PTK2: variants seen among roughly 807,000 people sequenced by gnomAD.
The protein encoded by PTK2 is focal adhesion kinase 1.
PTK2 carries 45 observed loss-of-function variants against 150.1 expected under a neutral mutation model. The ratio of observed to expected loss-of-function variants is 0.30; its 90% CI spans 0.24 to 0.38. The LOEUF (loss-of-function observed/expected upper bound fraction) is 0.38. Ranked by LOEUF, PTK2 falls within the 10% of genes least tolerant of loss-of-function variation. The pLI is 1.00. For synonymous variants in PTK2, 432 were observed against 449.2 expected (o/e 0.96, Z 0.48); for missense variants, 919 against 1,307.3 (o/e 0.70, Z 4.58).
chr8:140,809,736 G>A (rs914887406), intron 10 of PTK2, among the ~76,000 whole-genome samples: 2 of 152,186 alleles, frequency 1.3e-5, no homozygotes, highest in Non-Finnish European at 2.9e-5. Context: ...AGCCCAGATG[G>A]CAGAGGTTGC....
At chr8:140,824,925 T>C (rs912025535) in intron 8 of PTK2, among the ~76,000 whole-genome samples, 1 of 152,180 alleles carries the variant, frequency 6.6e-6, no homozygotes, top group African/African-American at 2.4e-5. Context: ...CAAAATGAAG[T>C]GGTATTGCTA....
At chr8:140,729,512 TG>T (rs1565216757) in intron 22 of PTK2, among the ~76,000 whole-genome samples, 1 of 152,184 alleles carries the variant, frequency 6.6e-6, no homozygotes, top group East Asian at 1.9e-4. Context: ...GAAAATACTT[TG>T]AAAGTACAAA....
chr8:140,854,723 A>G (rs1261392139), intron 5 of PTK2, among the ~76,000 whole-genome samples: 1 of 152,204 alleles, frequency 6.6e-6, no homozygotes, highest in Non-Finnish European at 1.5e-5. Context: ...CATTTAGGCC[A>G]TCTTTTAATG....
intron 26 of PTK2, among the ~76,000 whole-genome samples, chr8:140,687,675 C>T (rs1015683391): frequency 6.6e-6 from 1 of 152,160 alleles, no homozygotes; most frequent in African/African-American, 2.4e-5. Context: ...AGTGCTGTAG[C>T]CCAAACCCTT....
intron 7 of PTK2, among the ~76,000 whole-genome samples, chr8:140,842,136 A>C (rs534907546): frequency 6.6e-6 from 1 of 152,112 alleles, no homozygotes; most frequent in African/African-American, 2.4e-5. Context: ...TAAAACAGAG[A>C]GCTATAAGGA....
chr8:140,711,260 C>T (rs1043402128), intron 23 of PTK2, among the ~76,000 whole-genome samples: 1 of 152,194 alleles, frequency 6.6e-6, no homozygotes, highest in Non-Finnish European at 1.5e-5. Context: ...GTGCATACCA[C>T]CACACCTGGC....
chr8:140,852,662 A>G (rs1250623787), intron 5 of PTK2, among the ~76,000 whole-genome samples: 1 of 152,222 alleles, frequency 6.6e-6, no homozygotes, highest in Non-Finnish European at 1.5e-5. Flanking sequence ...TTGTATTTTA[A>G]AATGTGTATA....
intron 18 of PTK2, 105 bp from the exon 22 acceptor site, chr8:140,744,872 T>C: frequency 1.8e-6 from 1 of 548,232 alleles, no homozygotes; most frequent in Non-Finnish European, 3.2e-6. Context: ...CTGTTTTCAA[T>C]GCATTTTTAA....
At chr8:140,899,230 T>C (rs566902745) in intron 2 of PTK2, among the ~76,000 whole-genome samples, 1 of 152,312 alleles carries the variant, frequency 6.6e-6, no homozygotes, top group East Asian at 1.9e-4. Flanking sequence ...CTTCTGACTC[T>C]GGCTAAGGGA....
At chr8:140,834,677 A>C (rs1030325200) in intron 7 of PTK2, among the ~76,000 whole-genome samples, 1 of 152,230 alleles carries the variant, frequency 6.6e-6, no homozygotes, top group Admixed American at 6.5e-5. Context: ...ATAATTACAT[A>C]AACAACTAAC....
intron 2 of PTK2, among the ~76,000 whole-genome samples, chr8:140,901,874 T>C (rs538597053): frequency 6.6e-6 from 1 of 152,226 alleles, no homozygotes; most frequent in African/African-American, 2.4e-5. Flanking sequence ...GTTGTCATTG[T>C]TCAACTCCCA....
chr8:140,888,007 G>A (rs1160092631), intron 3 of PTK2, among the ~76,000 whole-genome samples: 1 of 152,128 alleles, frequency 6.6e-6, no homozygotes, highest in Admixed American at 6.5e-5. Flanking sequence ...TCAGAAAATA[G>A]TTGTGTGGCA....
chr8:140,982,327 G>A (rs967916950), intron 1 of PTK2, among the ~76,000 whole-genome samples: 1 of 152,224 alleles, frequency 6.6e-6, no homozygotes, highest in South Asian at 2.1e-4. Flanking sequence ...GGCTGGGTGC[G>A]GAGGCTCCCG....
chr8:140,675,337 C>T (rs751224570), intron 28 of PTK2, 123 bp downstream of exon 31: 1 of 1,014,880 alleles, frequency 9.9e-7, no homozygotes, highest in Non-Finnish European at 1.5e-6. Flanking sequence ...ATCGTACTTG[C>T]TGTGGTCTGT....
chr8:140,686,103 G>T lies in PTK2; in HGVS notation c.2562+529C>A, dbSNP rs76370410. On this transcript the variant is annotated intron_variant, in intron 27 of 31. Transcript: ENST00000522684. ...CTGCAGCAACATGGGTGGAGCTAGA[G>T]GTCATTATCATTATCTTAAGTGAAC... is the stretch of plus-strand genomic sequence containing the variant. 3.8e-3 allele frequency among the ~76,000 whole-genome samples: 574 copies of T among 152,252 alleles called. 5 individuals carry two copies. The highest frequency in any genetic ancestry group is 0.013 in the African/African-American group (551 of 41,560).
At chr8:140,874,490 A>C (rs1435773818) in intron 4 of PTK2, among the ~76,000 whole-genome samples, 1 of 152,222 alleles carries the variant, frequency 6.6e-6, no homozygotes, top group African/African-American at 2.4e-5. Flanking sequence ...TGCAGGTGAC[A>C]GAAAAAAATT....
At chr8:140,662,616 A>T in intron 31 of PTK2, 1 of 462,770 alleles carries the variant, frequency 2.2e-6, no homozygotes, top group South Asian at 5.1e-5. Context: ...AACAAGTTAA[A>T]GGGTTTATGC....
intron 31 of PTK2, among the ~76,000 whole-genome samples, chr8:140,662,363 G>T (rs2081741168): frequency 6.6e-6 from 1 of 152,052 alleles, no homozygotes; most frequent in Non-Finnish European, 1.5e-5. Flanking sequence ...TTGGAATCAG[G>T]GGAGATGAAA....
rs533578974 is a variant in PTK2, at chr8:140,745,479, G to A, written c.1519-712C>T. Among the ~76,000 whole-genome samples, 8 of 152,294 alleles carry A rather than the reference G, an allele frequency of 5.3e-5. No homozygotes were observed. The East Asian group carries it at 5.8e-4, about 11-fold the overall frequency. ...CCAAAAGCAAAAGCAGAAAAGTACC[G>A]TGAACAAGAAATTATACATAAGCAC... On this transcript the variant is annotated intron_variant, in intron 18 of 31. Coordinates refer to ENST00000522684, the Ensembl canonical transcript of PTK2.
Sources: allele counts gnomAD v4.1 joint callset (sites outside exome capture counted in the v4.1 genomes callset), GRCh38; gene constraint gnomAD v4.1.1; transcripts MANE v1.5; gene names NCBI Gene and HGNC (gene_info 2026-07-23, HGNC 2026-07-21).